WDR70: variants seen among roughly 807,000 people sequenced by gnomAD.
WDR70 encodes the protein WD repeat-containing protein 70.
Under a neutral mutation model 88.6 loss-of-function variants are expected in WDR70, and 53 were observed. The ratio of observed to expected loss-of-function variants is 0.60; its 90% CI spans 0.48 to 0.75. The LOEUF (loss-of-function observed/expected upper bound fraction) is 0.75. WDR70 is among the 30% of genes least tolerant of loss of function. The probability of loss-of-function intolerance (pLI) is 0.00; values close to 1 mark genes in which losing one functional copy is unlikely to be tolerated. For missense variants in WDR70, 610 were observed against 823.2 expected (o/e 0.74, Z 3.17); for synonymous variants, 280 against 270.0 (o/e 1.04, Z -0.36).
intron 10 of WDR70, among the ~76,000 whole-genome samples, chr5:37,654,866 A>T (rs1393377993): frequency 6.6e-6 from 1 of 152,156 alleles, no homozygotes; most frequent in African/African-American, 2.4e-5. Context: ...GGGTTTCCTG[A>T]ATACAGCACA....
At chr5:37,550,801 T>C (rs1191702199) in intron 9 of WDR70, among the ~76,000 whole-genome samples, 1 of 149,896 alleles carries the variant, frequency 6.7e-6, no homozygotes, top group Non-Finnish European at 1.5e-5. Context: ...GGTTATTTTT[T>C]GGTCTTCTCT....
At chr5:37,445,710 G>T (rs1161835063) in intron 7 of WDR70, among the ~76,000 whole-genome samples, 1 of 152,186 alleles carries the variant, frequency 6.6e-6, no homozygotes, top group Non-Finnish European at 1.5e-5. Context: ...CTCAGTAGAT[G>T]CAGAAAAGGC....
At chr5:37,598,415 A>G (rs1365950769) in intron 9 of WDR70, among the ~76,000 whole-genome samples, 1 of 152,206 alleles carries the variant, frequency 6.6e-6, no homozygotes, top group African/African-American at 2.4e-5. Context: ...AGGGATATAA[A>G]CATATCTAGG....
intron 13 of WDR70, among the ~76,000 whole-genome samples, chr5:37,709,736 A>G (rs1295106346): frequency 6.6e-6 from 1 of 152,212 alleles, no homozygotes; most frequent in Non-Finnish European, 1.5e-5. Context: ...TATCTCTAGG[A>G]GTATTTTCTT....
At chr5:37,512,905 C>T (rs1333707886) in intron 8 of WDR70, among the ~76,000 whole-genome samples, 1 of 152,092 alleles carries the variant, frequency 6.6e-6, no homozygotes, top group Non-Finnish European at 1.5e-5. Context: ...ATTATATCTG[C>T]AAATAACCTT....
chr5:37,478,145 C>T (rs1380233500), intron 7 of WDR70, among the ~76,000 whole-genome samples: 2 of 152,178 alleles, frequency 1.3e-5, no homozygotes, highest in Non-Finnish European at 1.5e-5. Context: ...ACGCTATAGT[C>T]TTTAATTGGT....
intron 5 of WDR70, 139 bp from the exon 6 acceptor site, chr5:37,437,783 T>G: frequency 1.4e-6 from 1 of 710,846 alleles, no homozygotes; most frequent in Non-Finnish European, 2.2e-6. Context: ...CTCTCACACT[T>G]TTTTGCTGTT....
rs750981503 is a variant in WDR70 at position 37,727,013 on chromosome 5, C to T, written c.1845C>T (p.Asp615=). 1 of 1,610,570 alleles carries T rather than the reference C, an allele frequency of 6.2e-7. No individual in the cohort carries two copies. The highest frequency in any genetic ancestry group is 8.5e-7 in the Non-Finnish European group (1 of 1,178,540). Residue 615 remains aspartate (D), a synonymous_variant, in exon 17 of 18, where the codon GAC becomes GAT. Coordinates refer to ENST00000265107, the MANE Select transcript of WDR70 (RefSeq NM_018034.4). The stretch of plus-strand genomic sequence containing the variant: ...TGCGTCATGCCAAAGCAGCAGAAGA[C>T]AGCCCATATTGGGTTTCTCCAGCAT... ...AILRHAKAAE[D]SPYWVSPAYS...
intron 3 of WDR70, among the ~76,000 whole-genome samples, chr5:37,382,373 C>T (rs1748454088): frequency 6.6e-6 from 1 of 151,462 alleles, no homozygotes; most frequent in African/African-American, 2.4e-5. Flanking sequence ...GCTGGGATTA[C>T]AGACGTGAAC....
chr5:37,562,896 C>G (rs1377140340), intron 9 of WDR70, among the ~76,000 whole-genome samples: 2 of 151,398 alleles, frequency 1.3e-5, no homozygotes, highest in Non-Finnish European at 3.0e-5. Context: ...TTTTCCCCAC[C>G]TTTCCCCCCT....
chr5:37,508,868 C>T (rs1239830701), intron 8 of WDR70, among the ~76,000 whole-genome samples: 2 of 152,100 alleles, frequency 1.3e-5, no homozygotes, highest in African/African-American at 4.8e-5. Context: ...TTACGTCTTC[C>T]TCAAATGTTT....
In WDR70 at chr5:37,718,758, C is replaced by A. The variant is rs73067721; in HGVS notation, c.1417-2357C>A. On this transcript the variant is annotated intron_variant, in intron 13 of 17. Coordinates refer to ENST00000265107, the MANE Select transcript of WDR70 (RefSeq NM_018034.4). ...AGCAATCCATTTAGGCATGGGTGAACTGTAGCTTTTAATTCATTCCTTTGG... is the reference window on the plus strand; with the variant it reads ...AGCAATCCATTTAGGCATGGGTGAAATGTAGCTTTTAATTCATTCCTTTGG... Among the ~76,000 whole-genome samples the A allele has an allele frequency of 7.5e-3, 1,144 of 152,266 alleles. 18 individuals are homozygous for A. Among genetic ancestry groups the A allele is most frequent in the African/African-American group, 0.026 (1,077 of 41,540 alleles).
chr5:37,381,489 G>T (rs575873853), intron 2 of WDR70, 113 bp from the exon 3 acceptor site: 94 of 803,470 alleles, frequency 1.2e-4, no homozygotes, highest in Non-Finnish European at 1.8e-4. Context: ...TGGTTATATT[G>T]GAGCCATGCT....
chr5:37,473,566 GCT>G (rs1199127744), intron 7 of WDR70, among the ~76,000 whole-genome samples: 1 of 151,870 alleles, frequency 6.6e-6, no homozygotes, highest in African/African-American at 2.4e-5. Flanking sequence ...CTGGTCTCGA[GCT>G]CCTGAGCTCA....
At chr5:37,688,372 T>C (rs1196073866) in intron 10 of WDR70, among the ~76,000 whole-genome samples, 4 of 152,186 alleles carry the variant, frequency 2.6e-5, no homozygotes, top group Non-Finnish European at 5.9e-5. Flanking sequence ...TACTAAACTG[T>C]CTTATCACTC....
chr5:37,398,087 ATTTTT>A (rs756446462), intron 5 of WDR70, among the ~76,000 whole-genome samples: 1 of 121,382 alleles, frequency 8.2e-6, no homozygotes, highest in Non-Finnish European at 1.7e-5. Flanking sequence ...GGGGTAGATA[ATTTTT>A]TTTTTTTTTT....
chr5:37,463,928 C>G (rs542099362), intron 7 of WDR70, among the ~76,000 whole-genome samples: 1 of 152,234 alleles, frequency 6.6e-6, no homozygotes, highest in South Asian at 2.1e-4. Context: ...ACATGACAAA[C>G]AGTGAGACAG....
intron 5 of WDR70, among the ~76,000 whole-genome samples, chr5:37,411,403 C>T (rs1206310105): frequency 6.6e-6 from 1 of 152,122 alleles, no homozygotes; most frequent in Non-Finnish European, 1.5e-5. Flanking sequence ...TCCTTGTGCC[C>T]CTCCTAGTTA....
chr5:37,523,632 A>G (rs908173141), intron 9 of WDR70, among the ~76,000 whole-genome samples: 3 of 152,252 alleles, frequency 2.0e-5, no homozygotes, highest in African/African-American at 7.2e-5. Flanking sequence ...TGGATGGAGA[A>G]TGACTTAGAC....
Sources: allele counts gnomAD v4.1 joint callset (sites outside exome capture counted in the v4.1 genomes callset), GRCh38; gene constraint gnomAD v4.1.1; transcripts MANE v1.5; gene names NCBI Gene and HGNC (gene_info 2026-07-23, HGNC 2026-07-21).